IQCM: variants seen among roughly 807,000 people sequenced by gnomAD.
IQCM encodes the protein IQ domain-containing protein M.
IQCM carries 45 observed loss-of-function variants against 57.6 expected under a neutral mutation model. The observed-to-expected ratio is 0.78, with a 90% CI of 0.62 to 1.00. IQCM has a LOEUF of 1.00. Among genes scored for constraint, IQCM ranks in the 50% least tolerant of loss-of-function variants. IQCM has a pLI of 0.00. For synonymous variants in IQCM, 148 were observed against 158.9 expected (o/e 0.93, Z 0.51); for missense variants, 468 against 511.6 (o/e 0.91, Z 0.82).
intron 9 of IQCM, among the ~76,000 whole-genome samples, chr4:149,582,601 G>A (rs963168771): frequency 1.3e-5 from 2 of 150,128 alleles, no homozygotes; most frequent in Non-Finnish European, 3.0e-5. Flanking sequence ...GTGTTATAGA[G>A]GAGATTTGTC....
At chr4:149,459,644 A>C (rs1738062597) in intron 12 of IQCM, among the ~76,000 whole-genome samples, 1 of 152,062 alleles carries the variant, frequency 6.6e-6, no homozygotes, top group African/African-American at 2.4e-5. Context: ...CCAACATTCT[A>C]CTTTCTATCT....
intron 12 of IQCM, among the ~76,000 whole-genome samples, chr4:149,495,897 T>C (rs1331530241): frequency 6.6e-6 from 1 of 152,184 alleles, no homozygotes; most frequent in Non-Finnish European, 1.5e-5. Flanking sequence ...GTGTTTTGCC[T>C]AATTTATTTC....
Position 149,380,541 on chromosome 4 carries a change from G to A in IQCM, c.1391-28475C>T, listed in dbSNP as rs199723967. On this transcript the variant is annotated intron_variant, in intron 13 of 13. Transcript: ENST00000636793. ...TCTCTGATCTATATGCTTAGATCAG[G>A]GAGGAGATACTAAACACAAACTGGC... Among the ~76,000 whole-genome samples the A allele has an allele frequency of 3.3e-5, 5 of 152,112 alleles. No homozygotes were observed. The East Asian group carries it at 9.7e-4, about 29-fold the overall frequency.
At position 149,567,868 on chromosome 4, in the gene IQCM, G is replaced by A. The variant is rs573006250; in HGVS notation, c.750-3978C>T. 5.3e-5 allele frequency among the ~76,000 whole-genome samples: 8 copies of A among 151,922 alleles called. No individual in the cohort carries two copies. In the South Asian group the frequency reaches 1.7e-3, roughly 32 times the overall value. ...AGCTAAAGATGTTTCCTATATATTG[G>A]CCCTTATGTTTACTTCTGCATATTA... On this transcript the variant is annotated intron_variant, in intron 9 of 13. Coordinates refer to ENST00000636793, the MANE Select transcript of IQCM (RefSeq NM_001363507.2).
intron 13 of IQCM, among the ~76,000 whole-genome samples, chr4:149,376,949 T>G (rs530343591): frequency 6.6e-6 from 1 of 152,134 alleles, no homozygotes. Context: ...TACAATTTAA[T>G]ATAATAATGC....
chr4:149,432,627 G>A (rs1164170361), intron 13 of IQCM, among the ~76,000 whole-genome samples: 3 of 151,814 alleles, frequency 2.0e-5, no homozygotes, highest in Non-Finnish European at 4.4e-5. Flanking sequence ...GAAACACATA[G>A]TAAATTGTAC....
At chr4:149,612,928 AT>A (rs1554007744) in intron 8 of IQCM, among the ~76,000 whole-genome samples, 2 of 152,232 alleles carry the variant, frequency 1.3e-5, no homozygotes, top group Non-Finnish European at 2.9e-5. Context: ...GTCAAAAAAA[AT>A]CATAGTCACT....
At chr4:149,602,443 T>C (rs1272197119) in intron 8 of IQCM, among the ~76,000 whole-genome samples, 2 of 152,188 alleles carry the variant, frequency 1.3e-5, no homozygotes, top group African/African-American at 4.8e-5. Flanking sequence ...GTTTATTTTA[T>C]GGAAACACTC....
intron 13 of IQCM, among the ~76,000 whole-genome samples, chr4:149,393,445 AT>A (rs777407975): frequency 7.9e-5 from 12 of 151,822 alleles, no homozygotes; most frequent in Non-Finnish European, 1.6e-4. Flanking sequence ...TAACGGAAGC[AT>A]TTTTTTAAAA....
At chr4:149,516,465 C>G (rs896357306) in intron 12 of IQCM, among the ~76,000 whole-genome samples, 3 of 152,182 alleles carry the variant, frequency 2.0e-5, no homozygotes, top group Admixed American at 2.0e-4. Flanking sequence ...TTACCATGTT[C>G]CCCATCATCC....
rs556214314 is a variant in IQCM, at chr4:149,804,706, C to T, written c.-49+10605G>A. 1.4e-3 allele frequency among the ~76,000 whole-genome samples: 220 copies of T among 152,196 alleles called. 4 individuals are homozygous for T. The highest frequency in any genetic ancestry group is 0.014 in the Admixed American group (217 of 15,256). On this transcript the variant is annotated intron_variant, in intron 2 of 13. Coordinates refer to ENST00000636793, the MANE Select transcript of IQCM (RefSeq NM_001363507.2). ...GTTGCATTAAAATAATCCAGATGGG[C>T]TTGGTAGACCTCCACTTTTTAATTC...
intron 7 of IQCM, among the ~76,000 whole-genome samples, chr4:149,665,761 T>C (rs531842133): frequency 1.6e-4 from 25 of 152,286 alleles, no homozygotes; most frequent in African/African-American, 5.8e-4. Flanking sequence ...TGTTAATTAT[T>C]GGCAGACCCA....
At chr4:149,812,509 C>CAG (rs1321616265) in intron 2 of IQCM, among the ~76,000 whole-genome samples, 3,752 of 145,928 alleles carry the variant, frequency 0.026, 249 homozygotes, top group East Asian at 0.2. Context: ...CACAGACACA[C>CAG]ACACACACAC....
At chr4:149,571,283 T>C (rs531812379) in intron 9 of IQCM, among the ~76,000 whole-genome samples, 1 of 152,202 alleles carries the variant, frequency 6.6e-6, no homozygotes, top group African/African-American at 2.4e-5. Context: ...AGATGCAGTA[T>C]ATATACACAA....
At chr4:149,528,938 T>A (rs1039153442) in intron 12 of IQCM, among the ~76,000 whole-genome samples, 5 of 152,142 alleles carry the variant, frequency 3.3e-5, no homozygotes, top group Admixed American at 1.3e-4. Flanking sequence ...TAAAGGGTCT[T>A]CATTAAATAA....
At chr4:149,595,637 G>T (rs937984412) in intron 8 of IQCM, among the ~76,000 whole-genome samples, 1 of 152,170 alleles carries the variant, frequency 6.6e-6, no homozygotes, top group Non-Finnish European at 1.5e-5. Flanking sequence ...CTACTAATAC[G>T]ATTTAAACAG....
At chr4:149,509,131 C>T (rs1283015179) in intron 12 of IQCM, among the ~76,000 whole-genome samples, 1 of 152,124 alleles carries the variant, frequency 6.6e-6, no homozygotes, top group Non-Finnish European at 1.5e-5. Context: ...AGAGTGAAAA[C>T]AGACTAATAT....
At chr4:149,660,218 A>G (rs1301769737) in intron 7 of IQCM, among the ~76,000 whole-genome samples, 2 of 150,632 alleles carry the variant, frequency 1.3e-5, no homozygotes, top group African/African-American at 5.0e-5. Flanking sequence ...GCAGCCAAAA[A>G]ACACATGAAA....
Position 149,654,335 on chromosome 4 carries a change from G to A in IQCM, c.565+27783C>T, listed in dbSNP as rs192098305. 1.5e-3 allele frequency among the ~76,000 whole-genome samples: 226 copies of A among 152,168 alleles called. 1 individual carries two copies. Among genetic ancestry groups the A allele is most frequent in the African/African-American group, 5.3e-3 (219 of 41,516 alleles). On this transcript the variant is annotated intron_variant, in intron 7 of 13. Transcript: ENST00000636793. ...GTGGTAGGAGGTGTTTGGGCCATGG[G>A]GGTGGATCCCTCATGACTCAGTGCT... is the stretch of plus-strand genomic sequence containing the variant.
Sources: gnomAD v4.1 joint callset for allele counts (sites outside exome capture counted in the v4.1 genomes callset) on GRCh38, gnomAD v4.1.1 for gene constraint, MANE v1.5 for transcripts, NCBI Gene and HGNC (gene_info 2026-07-23, HGNC 2026-07-21) for gene names.